GRM8: variants seen among roughly 807,000 people sequenced by gnomAD.
GRM8 encodes glutamate metabotropic receptor 8, also known as metabotropic glutamate receptor 8.
Under a neutral mutation model 87.2 loss-of-function variants are expected in GRM8, and 47 were observed. The ratio of observed to expected loss-of-function variants is 0.54; its 90% confidence interval spans 0.43 to 0.69. The LOEUF is 0.69. Among genes scored for constraint, GRM8 ranks in the 30% least tolerant of loss-of-function variants. GRM8 has a pLI of 0.00. For missense variants in GRM8, 1,019 were observed against 1,139.2 expected, an observed-to-expected ratio of 0.89 and a Z score of 1.52; for synonymous variants, 396 against 404.5, an observed-to-expected ratio of 0.98 and a Z score of 0.25.
intron 6 of GRM8, among the ~76,000 whole-genome samples, chr7:126,804,384 C>G (rs1464448363): frequency 6.6e-6 from 1 of 152,208 alleles, no homozygotes; most frequent in East Asian, 1.9e-4. Context: ...CAACTCTATC[C>G]CGCTTCATTG....
At chr7:127,136,580 T>C (rs1281983620) in intron 2 of GRM8, among the ~76,000 whole-genome samples, 1 of 152,048 alleles carries the variant, frequency 6.6e-6, no homozygotes, top group Non-Finnish European at 1.5e-5. Flanking sequence ...TATTTTTTTA[T>C]TCAGATCTTT....
chr7:126,708,839 G>T (rs1810815187), intron 7 of GRM8, among the ~76,000 whole-genome samples: 1 of 152,062 alleles, frequency 6.6e-6, no homozygotes, highest in Non-Finnish European at 1.5e-5. Context: ...GGAGCAGTTG[G>T]GGAGATGTTG....
intron 3 of GRM8, among the ~76,000 whole-genome samples, chr7:127,058,737 C>T (rs1056937564): frequency 6.6e-6 from 1 of 152,118 alleles, no homozygotes; most frequent in African/African-American, 2.4e-5. Flanking sequence ...TGAGAGAGGG[C>T]CTTTTGCCAT....
intron 3 of GRM8, among the ~76,000 whole-genome samples, chr7:127,068,516 G>A (rs1012220758): frequency 1.1e-4 from 17 of 152,108 alleles, no homozygotes; most frequent in African/African-American, 4.1e-4. Context: ...GTCACTCTAG[G>A]GTCAGGTTGA....
intron 9 of GRM8, among the ~76,000 whole-genome samples, chr7:126,522,978 T>C (rs953189526): frequency 5.3e-5 from 8 of 152,262 alleles, no homozygotes; most frequent in African/African-American, 1.7e-4. Flanking sequence ...AGCAAACATT[T>C]AATAAATACT....
chr7:126,599,566 C>T (rs1027801381), intron 8 of GRM8, among the ~76,000 whole-genome samples: 5 of 152,050 alleles, frequency 3.3e-5, no homozygotes, highest in Admixed American at 6.6e-5. Flanking sequence ...TCTCTGAGAA[C>T]GGAAGGTAAG....
chr7:127,204,817 C>A lies in GRM8; in HGVS notation c.510+37878G>T, dbSNP rs533096488. ...GTACAATTTATGTTTTCAATGCAACCCAGACAAGAAATGAAAAGGCATGGA... is the reference window on the plus strand; with the variant it reads ...GTACAATTTATGTTTTCAATGCAACACAGACAAGAAATGAAAAGGCATGGA... On this transcript the variant is annotated intron_variant, in intron 2 of 10. Transcript: ENST00000339582. Among the ~76,000 whole-genome samples, 6 of 152,216 alleles carry A rather than the reference C, an allele frequency of 3.9e-5. No individual in the cohort carries two copies. In the South Asian group the frequency reaches 1.2e-3, roughly 32 times the overall value.
chr7:126,765,777 T>C (rs1270126289), intron 7 of GRM8, among the ~76,000 whole-genome samples: 1 of 152,122 alleles, frequency 6.6e-6, no homozygotes, highest in Non-Finnish European at 1.5e-5. Context: ...TTTGTTTCCT[T>C]CTGGCTTCCC....
intron 3 of GRM8, among the ~76,000 whole-genome samples, chr7:126,930,561 T>C (rs1197149708): frequency 6.6e-6 from 1 of 152,146 alleles, no homozygotes; most frequent in Admixed American, 6.5e-5. Context: ...ATTAAACAAA[T>C]AATAATGATG....
chr7:126,752,348 T>TAA (rs1473332851), intron 7 of GRM8, among the ~76,000 whole-genome samples: 17 of 152,132 alleles, frequency 1.1e-4, no homozygotes, highest in Non-Finnish European at 5.9e-5. Context: ...TTTGACTAGT[T>TAA]GTTATCCGAT....
At chr7:127,057,280 C>T (rs1481234801) in intron 3 of GRM8, among the ~76,000 whole-genome samples, 1 of 152,172 alleles carries the variant, frequency 6.6e-6, no homozygotes, top group Non-Finnish European at 1.5e-5. Context: ...GATGAAGAAT[C>T]AAACATCAAA....
At chr7:126,491,596 A>G (rs1203573442) in intron 9 of GRM8, among the ~76,000 whole-genome samples, 1 of 152,048 alleles carries the variant, frequency 6.6e-6, no homozygotes, top group Non-Finnish European at 1.5e-5. Context: ...CATACAAACA[A>G]CAATGAATGG....
At chr7:127,130,332 A>T (rs1416280307) in intron 2 of GRM8, among the ~76,000 whole-genome samples, 1 of 152,218 alleles carries the variant, frequency 6.6e-6, no homozygotes, top group Non-Finnish European at 1.5e-5. Flanking sequence ...TCTGGGTAAC[A>T]GGCAGAGGTT....
At chr7:126,463,620 A>G (rs1468623479) in intron 9 of GRM8, among the ~76,000 whole-genome samples, 1 of 151,656 alleles carries the variant, frequency 6.6e-6, no homozygotes, top group African/African-American at 2.4e-5. Context: ...ATTTTCAAGG[A>G]AGAATCATTT....
intron 10 of GRM8, among the ~76,000 whole-genome samples, chr7:126,442,069 ATAC>A (rs1179151899): frequency 6.6e-6 from 1 of 152,004 alleles, no homozygotes; most frequent in Non-Finnish European, 1.5e-5. Context: ...AAAACCTACA[ATAC>A]TGTGTTCCTG....
At chr7:126,722,052 G>T (rs1236594008) in intron 7 of GRM8, among the ~76,000 whole-genome samples, 1 of 152,130 alleles carries the variant, frequency 6.6e-6, no homozygotes, top group East Asian at 1.9e-4. Flanking sequence ...AACTATGACT[G>T]GGTATCATGA....
chr7:126,722,965 A>C (rs7802558), intron 7 of GRM8, among the ~76,000 whole-genome samples: 1 of 144,692 alleles, frequency 6.9e-6, no homozygotes, highest in East Asian at 1.9e-4. Flanking sequence ...AATATATGTA[A>C]ATATATAATT....
intron 2 of GRM8, among the ~76,000 whole-genome samples, chr7:127,148,613 C>CTCA (rs1181369146): frequency 6.6e-6 from 1 of 151,906 alleles, no homozygotes; most frequent in Non-Finnish European, 1.5e-5. Flanking sequence ...GAATACTGTA[C>CTCA]TCATATACAG....
At chr7:126,586,275 T>C (rs201620753) in intron 8 of GRM8, among the ~76,000 whole-genome samples, 1 of 152,100 alleles carries the variant, frequency 6.6e-6, no homozygotes, top group South Asian at 2.1e-4. Flanking sequence ...TTTATAGATT[T>C]AATGCCATCT....
Sources: gnomAD v4.1 joint callset for allele counts (sites outside exome capture counted in the v4.1 genomes callset) on GRCh38, gnomAD v4.1.1 for gene constraint, MANE v1.5 for transcripts, NCBI Gene and HGNC (gene_info 2026-07-23, HGNC 2026-07-21) for gene names.